The following TSHZ2 variants were observed in gnomAD, a reference collection of about 807,000 sequenced individuals.
TSHZ2 encodes teashirt homolog 2.
In TSHZ2, 21 loss-of-function variants were observed where a neutral mutation model predicts 74.4. The ratio of observed to expected loss-of-function variants is 0.28; its 90% CI spans 0.20 to 0.41. TSHZ2 has a LOEUF of 0.41. Among genes scored for constraint, TSHZ2 ranks in the 10% least tolerant of loss-of-function variants. TSHZ2 has a pLI of 1.00. For missense variants in TSHZ2, 1,244 were observed against 1,293.5 expected, an observed-to-expected ratio of 0.96 and a Z score of 0.59; for synonymous variants, 540 against 515.3, an observed-to-expected ratio of 1.05 and a Z score of -0.65.
intron 2 of TSHZ2, among the ~76,000 whole-genome samples, chr20:53,345,561 C>G (rs957545303): frequency 6.6e-6 from 1 of 152,148 alleles, no homozygotes; most frequent in South Asian, 2.1e-4. Context: ...TGAGGAACTA[C>G]TTCACTCTAG....
intron 1 of TSHZ2, among the ~76,000 whole-genome samples, chr20:52,977,176 A>G (rs1157959656): frequency 6.6e-6 from 1 of 152,128 alleles, no homozygotes; most frequent in Non-Finnish European, 1.5e-5. Context: ...GTGAGGTCCC[A>G]GAAATCTCAA....
intron 1 of TSHZ2, among the ~76,000 whole-genome samples, chr20:53,181,580 G>A (rs1477751121): frequency 6.6e-6 from 1 of 152,134 alleles, no homozygotes; most frequent in African/African-American, 2.4e-5. Flanking sequence ...GGGGGTCGTT[G>A]CTTTTATTTA....
At chr20:53,361,981 G>T (rs546296228) in intron 2 of TSHZ2, among the ~76,000 whole-genome samples, 1 of 151,264 alleles carries the variant, frequency 6.6e-6, no homozygotes, top group Non-Finnish European at 1.5e-5. Context: ...GTGCGATGGC[G>T]CCATCTCGGC....
intron 1 of TSHZ2, among the ~76,000 whole-genome samples, chr20:52,976,106 T>G (rs1981327449): frequency 6.6e-6 from 1 of 152,250 alleles, no homozygotes; most frequent in Non-Finnish European, 1.5e-5. Flanking sequence ...TTATTAGTTA[T>G]AAGTTCCATG....
chr20:53,132,570 A>C (rs1198070213), intron 1 of TSHZ2, among the ~76,000 whole-genome samples: 1 of 152,114 alleles, frequency 6.6e-6, no homozygotes, highest in Non-Finnish European at 1.5e-5. Flanking sequence ...ATAAGCCATG[A>C]CACCCAACCC....
Position 53,237,044 on chromosome 20 carries a change from C to A in TSHZ2, c.41-16455C>A, listed in dbSNP as rs552305674. On this transcript the variant is annotated intron_variant, in intron 1 of 2. Transcript: ENST00000371497. ...AGGAAAGTTGTTTGACTTCTGGAAG[C>A]CTAAGATTCCTCATCTTCAAAAATG... Among the ~76,000 whole-genome samples the A allele has an allele frequency of 6.6e-5, 10 of 152,256 alleles. No individual in the cohort carries two copies. The East Asian group carries it at 1.7e-3, about 26-fold the overall frequency.
At chr20:53,023,732 T>A (rs2034390394) in intron 1 of TSHZ2, among the ~76,000 whole-genome samples, 1 of 152,164 alleles carries the variant, frequency 6.6e-6, no homozygotes, top group African/African-American at 2.4e-5. Flanking sequence ...CAGTGAATAT[T>A]TTGTGATATT....
chr20:53,377,542 C>G (rs1043545934), intron 2 of TSHZ2, among the ~76,000 whole-genome samples: 3 of 152,090 alleles, frequency 2.0e-5, no homozygotes, highest in African/African-American at 7.2e-5. Context: ...AGATACACAA[C>G]CTGAGGTTTA....
At chr20:53,050,543 G>A (rs1343029529) in intron 1 of TSHZ2, among the ~76,000 whole-genome samples, 1 of 152,208 alleles carries the variant, frequency 6.6e-6, no homozygotes, top group African/African-American at 2.4e-5. Context: ...ACGGGGCTGT[G>A]AGTCTAGATG....
chr20:53,113,142 A>C (rs1986579021), intron 1 of TSHZ2, among the ~76,000 whole-genome samples: 1 of 152,242 alleles, frequency 6.6e-6, no homozygotes, highest in Admixed American at 6.5e-5. Flanking sequence ...TGTCAGGGAA[A>C]TAGAAATAGG....
chr20:53,004,721 G>A lies in TSHZ2; in HGVS notation c.40+31388G>A, dbSNP rs577662390. On this transcript the variant is annotated intron_variant, in intron 1 of 2. Transcript: ENST00000371497. ...CCGTGTGACATCACATGCCATAAAA[G>A]ACATCAAGATGCTACCAAAAGTCAG... is the stretch of plus-strand genomic sequence containing the variant. Among the ~76,000 whole-genome samples the A allele has an allele frequency of 4.0e-4, 61 of 152,282 alleles. 1 individual carries two copies. The South Asian group carries it at 0.012, about 29-fold the overall frequency.
intron 2 of TSHZ2, among the ~76,000 whole-genome samples, chr20:53,383,994 C>T (rs1434326299): frequency 6.6e-6 from 1 of 152,164 alleles, no homozygotes; most frequent in Non-Finnish European, 1.5e-5. Flanking sequence ...AAACCCTCTT[C>T]CGGATGACAT....
intron 2 of TSHZ2, among the ~76,000 whole-genome samples, chr20:53,411,628 A>G (rs1345684611): frequency 6.6e-6 from 1 of 152,196 alleles, no homozygotes; most frequent in African/African-American, 2.4e-5. Context: ...CAGGAGTTTG[A>G]GACCAACCTG....
intron 2 of TSHZ2, among the ~76,000 whole-genome samples, chr20:53,344,340 T>C (rs1284836944): frequency 6.6e-6 from 1 of 152,216 alleles, no homozygotes. Context: ...GAAGGTCATA[T>C]TGTTATTCCC....
intron 1 of TSHZ2, among the ~76,000 whole-genome samples, chr20:53,226,427 GGTGTGTGTATGT>G (rs906953626): frequency 6.7e-6 from 1 of 149,564 alleles, no homozygotes; most frequent in Non-Finnish European, 1.5e-5. Flanking sequence ...TGTGTGGGTC[GGTGTGTGTATGT>G]GTGTGTGTGT....
At chr20:52,990,795 A>G (rs1020242799) in intron 1 of TSHZ2, among the ~76,000 whole-genome samples, 1 of 152,200 alleles carries the variant, frequency 6.6e-6, no homozygotes, top group Non-Finnish European at 1.5e-5. Context: ...CAGAACTCCA[A>G]TGTTTAGAAG....
intron 1 of TSHZ2, among the ~76,000 whole-genome samples, chr20:53,252,670 T>G (rs1185279312): frequency 6.6e-6 from 1 of 152,138 alleles, no homozygotes; most frequent in Non-Finnish European, 1.5e-5. Flanking sequence ...AATATATAAT[T>G]GGCATCTCAT....
chr20:53,286,081 C>G (rs778157836), intron 2 of TSHZ2, among the ~76,000 whole-genome samples: 1 of 152,086 alleles, frequency 6.6e-6, no homozygotes, highest in Admixed American at 6.5e-5. Context: ...ATTTACTTCT[C>G]GAGCTCAGTG....
intron 2 of TSHZ2, among the ~76,000 whole-genome samples, chr20:53,469,824 A>AAGAG (rs1568932246): frequency 7.8e-6 from 1 of 128,086 alleles, no homozygotes; most frequent in Non-Finnish European, 1.7e-5. Flanking sequence ...AAGATAGAGA[A>AAGAG]AGAGAGAGGG....
Sources: gnomAD v4.1 joint callset for allele counts (sites outside exome capture counted in the v4.1 genomes callset) on GRCh38, gnomAD v4.1.1 for gene constraint, MANE v1.5 for transcripts, NCBI Gene and HGNC (gene_info 2026-07-23, HGNC 2026-07-21) for gene names.